DGKI: variants seen among roughly 807,000 people sequenced by gnomAD.
DGKI encodes DAG kinase iota.
A neutral mutation model predicts 147.5 loss-of-function variants in DGKI; 55 were observed. That is an observed-to-expected ratio of 0.37 (90% CI 0.30 to 0.47). The LOEUF (loss-of-function observed/expected upper bound fraction) is 0.47, where lower values mean the gene tolerates loss of function less well. Ranked by LOEUF, DGKI falls within the 20% of genes least tolerant of loss-of-function variation. The pLI is 1.00. For missense variants in DGKI, 1,007 were observed against 1,323.8 expected (o/e 0.76, Z 3.71); for synonymous variants, 469 against 477.1 (o/e 0.98, Z 0.22).
chr7:137,464,632 T>G (rs905337399), intron 26 of DGKI, among the ~76,000 whole-genome samples: 7 of 152,274 alleles, frequency 4.6e-5, no homozygotes, highest in Non-Finnish European at 8.8e-5. Flanking sequence ...ACTTGTGTCC[T>G]CTCTTGTCTC....
intron 20 of DGKI, chr7:137,546,099 G>T (rs1221573180): frequency 5.5e-6 from 3 of 549,424 alleles, no homozygotes; most frequent in East Asian, 3.0e-5. Flanking sequence ...AACAGCGAAG[G>T]AAAGGAAAAG....
At chr7:137,586,230 GC>G (rs1468567121) in intron 13 of DGKI, among the ~76,000 whole-genome samples, 1 of 152,064 alleles carries the variant, frequency 6.6e-6, no homozygotes, top group African/African-American at 2.4e-5. Context: ...TTTGAGACCA[GC>G]CTGGCCAACA....
At chr7:137,466,847 A>G in intron 25 of DGKI, 55 bp downstream of exon 25, 1 of 1,574,244 alleles carries the variant, frequency 6.4e-7, no homozygotes, top group South Asian at 1.1e-5. Flanking sequence ...CTACCAATAA[A>G]GCACATTAAC....
At chr7:137,481,783 C>T (rs1335120962) in intron 23 of DGKI, among the ~76,000 whole-genome samples, 2 of 152,058 alleles carry the variant, frequency 1.3e-5, no homozygotes, top group East Asian at 3.9e-4. Flanking sequence ...TGCTGCTTTT[C>T]TCTTGAGATT....
intron 32 of DGKI, among the ~76,000 whole-genome samples, chr7:137,394,172 A>G (rs1343064255): frequency 6.6e-6 from 1 of 152,140 alleles, no homozygotes; most frequent in African/African-American, 2.4e-5. Flanking sequence ...AGAATCCTCT[A>G]TGGCAAGCTT....
In DGKI at chr7:137,563,291, C is replaced by T. The variant is rs906015752; in HGVS notation, c.1947+7884G>A. ...AAAGGACACTAATAAAAAAAAACTA[C>T]AATTAAGCATATTTTATGAAAAATA... On this transcript the variant is annotated intron_variant, in intron 19 of 32. Transcript: ENST00000614521. 5.3e-5 allele frequency among the ~76,000 whole-genome samples: 8 copies of T among 151,766 alleles called. No individual in the cohort carries two copies. The East Asian group carries it at 1.5e-3, about 29-fold the overall frequency.
intron 30 of DGKI, 68 bp downstream of exon 30, chr7:137,407,807 T>C (rs1585084283): frequency 6.3e-7 from 1 of 1,584,300 alleles, no homozygotes; most frequent in Non-Finnish European, 8.6e-7. Flanking sequence ...AAGGGTAACT[T>C]AGAAAATGCA....
At chr7:137,488,859 G>A (rs114831038) in intron 21 of DGKI, among the ~76,000 whole-genome samples, 2,099 of 152,196 alleles carry the variant, frequency 0.014, 45 homozygotes, top group African/African-American at 0.048. Context: ...AACACAGGCC[G>A]TATTAAATGT....
At chr7:137,701,102 T>C (rs900482190) in intron 1 of DGKI, among the ~76,000 whole-genome samples, 4 of 151,696 alleles carry the variant, frequency 2.6e-5, no homozygotes, top group African/African-American at 9.7e-5. Flanking sequence ...CACTAGCAAC[T>C]AACTCATCAT....
intron 1 of DGKI, among the ~76,000 whole-genome samples, chr7:137,735,934 T>C (rs563651571): frequency 2.6e-5 from 4 of 152,216 alleles, no homozygotes; most frequent in Middle Eastern, 3.4e-3. Context: ...TGCATGCTTT[T>C]GTGGACTCTA....
rs186796964 is a variant in DGKI, at chr7:137,547,960, G to A, written c.2147+4409C>T. Among the ~76,000 whole-genome samples the A allele has an allele frequency of 1.3e-3, 201 of 152,218 alleles. 7 individuals are homozygous for A. Among genetic ancestry groups the A allele is most frequent in the Admixed American group, 0.012 (189 of 15,282 alleles). ...CAGAGAGCAAAACCAGGATGATGTA[G>A]GAGACAGGCTACTGTTCCAGGAACA... is the stretch of plus-strand genomic sequence containing the variant. On this transcript the variant is annotated intron_variant, in intron 20 of 32. Coordinates refer to ENST00000614521, the MANE Select transcript of DGKI (RefSeq NM_001321708.2).
intron 1 of DGKI, among the ~76,000 whole-genome samples, chr7:137,744,309 AG>A (rs1385389553): frequency 3.3e-5 from 5 of 152,206 alleles, no homozygotes; most frequent in Admixed American, 6.5e-5. Context: ...AATTCCTAAA[AG>A]CACACAACCT....
intron 1 of DGKI, among the ~76,000 whole-genome samples, chr7:137,726,784 T>C (rs1027973279): frequency 2.6e-5 from 4 of 152,176 alleles, no homozygotes; most frequent in African/African-American, 9.6e-5. Context: ...TATATTACTA[T>C]TGATCTCTGC....
intron 1 of DGKI, among the ~76,000 whole-genome samples, chr7:137,759,181 T>C (rs1199894580): frequency 6.6e-6 from 1 of 152,170 alleles, no homozygotes; most frequent in Non-Finnish European, 1.5e-5. Flanking sequence ...TATCCACTGT[T>C]TAGCGCCTAC....
chr7:137,463,733 G>T, intron 26 of DGKI, 122 bp from the exon 27 acceptor site: 2 of 1,125,860 alleles, frequency 1.8e-6, no homozygotes, highest in Non-Finnish European at 2.5e-6. Flanking sequence ...TTTATGAAGT[G>T]TTTACCAGAT....
chr7:137,627,244 C>T (rs115996388), intron 6 of DGKI, among the ~76,000 whole-genome samples: 168 of 152,336 alleles, frequency 1.1e-3, no homozygotes, highest in African/African-American at 3.9e-3. Flanking sequence ...CTTGTACAGG[C>T]TTGCCTTGCC....
In DGKI at chr7:137,382,154, G is replaced by C. The variant is rs145363925; in HGVS notation, c.*9066C>G. 2.6e-4 allele frequency: 40 copies of C among 152,034 alleles called. No homozygotes were observed. Among genetic ancestry groups the C allele is most frequent in the African/African-American group, 9.4e-4 (39 of 41,472 alleles). 9.4% of individuals were successfully genotyped at this position (152,034 alleles called of 1,614,324 possible). On this transcript the variant is annotated 3_prime_UTR_variant, in exon 33 of 33. Transcript: ENST00000614521. ...CCTATAAATTTGAAACAAAAAATAG[G>C]GTAAACTGACAGGACTATCCTATCT...
chr7:137,796,426 G>A (rs1456792732), intron 1 of DGKI, among the ~76,000 whole-genome samples: 2 of 152,102 alleles, frequency 1.3e-5, no homozygotes, highest in East Asian at 1.9e-4. Flanking sequence ...CTTGAACCCA[G>A]GAGATGGAGA....
intron 28 of DGKI, 132 bp downstream of exon 28, chr7:137,443,945 A>T: frequency 1.4e-6 from 1 of 723,326 alleles, no homozygotes; most frequent in Non-Finnish European, 2.2e-6. Flanking sequence ...TTGACATTTC[A>T]CATTCAAAAA....
Sources: allele counts gnomAD v4.1 joint callset (sites outside exome capture counted in the v4.1 genomes callset), GRCh38; gene constraint gnomAD v4.1.1; transcripts MANE v1.5; gene names NCBI Gene and HGNC (gene_info 2026-07-23, HGNC 2026-07-21).